The following COL23A1 variants were observed in gnomAD, a reference collection of about 807,000 sequenced individuals.
COL23A1 encodes the protein collagen type XXIII alpha 1 chain.
In COL23A1, 97 loss-of-function variants were observed where a neutral mutation model predicts 99.3. The observed-to-expected ratio is 0.98, with a 90% CI of 0.83 to 1.16. COL23A1 has a LOEUF of 1.16. Ranked by LOEUF, COL23A1 falls within the 50% of genes most tolerant of loss-of-function variation. The pLI is 0.00. For missense variants in COL23A1, 762 were observed against 757.4 expected, an observed-to-expected ratio of 1.01 and a Z score of -0.07; for synonymous variants, 320 against 308.2, an observed-to-expected ratio of 1.04 and a Z score of -0.40.
chr5:178,488,803 T>C (rs1418440256), intron 2 of COL23A1, among the ~76,000 whole-genome samples: 1 of 151,946 alleles, frequency 6.6e-6, no homozygotes, highest in African/African-American at 2.4e-5. Context: ...TCCGTGAGGG[T>C]AGCTAAGGAA....
chr5:178,437,492 G>A (rs1052407498), intron 2 of COL23A1, among the ~76,000 whole-genome samples: 1 of 152,196 alleles, frequency 6.6e-6, no homozygotes, highest in Non-Finnish European at 1.5e-5. Flanking sequence ...ACAGTTGCCA[G>A]TGGATGAGTG....
intron 2 of COL23A1, among the ~76,000 whole-genome samples, chr5:178,358,362 A>G (rs1379412552): frequency 2.8e-5 from 4 of 141,310 alleles, no homozygotes; most frequent in African/African-American, 1.1e-4. Context: ...GTGTATGTGT[A>G]TGTGTACGTG....
chr5:178,557,566 C>T (rs1191874683), intron 2 of COL23A1, among the ~76,000 whole-genome samples: 1 of 152,190 alleles, frequency 6.6e-6, no homozygotes, highest in Non-Finnish European at 1.5e-5. Context: ...GCCGCCCCTC[C>T]TCTGGCCTTC....
At chr5:178,268,604 G>A in intron 7 of COL23A1, 126 bp downstream of exon 7, 1 of 830,944 alleles carries the variant, frequency 1.2e-6, no homozygotes. Context: ...CTCTACAGAT[G>A]GGGAAACTGA....
At chr5:178,258,923 T>C (rs374175953) in intron 12 of COL23A1, among the ~76,000 whole-genome samples, 3 of 149,982 alleles carry the variant, frequency 2.0e-5, no homozygotes, top group East Asian at 1.9e-4. Context: ...CTTTTTTTTT[T>C]TTTTTTTTTG....
rs115415831 is a variant in COL23A1, at chr5:178,392,125, T to C, written c.362-85206A>G. On this transcript the variant is annotated intron_variant, in intron 2 of 28. Coordinates refer to ENST00000390654, the MANE Select transcript of COL23A1 (RefSeq NM_173465.4). ...GTAATAGGAGTGTCTGCTATTTTTTTTTTTTTTTTTTGGTTGATGAATTGT... is the reference window on the plus strand; with the variant it reads ...GTAATAGGAGTGTCTGCTATTTTTTCTTTTTTTTTTTGGTTGATGAATTGT... Among the ~76,000 whole-genome samples the C allele has an allele frequency of 4.8e-3, 723 of 151,766 alleles. 10 individuals carry two copies. The highest frequency in any genetic ancestry group is 0.017 in the African/African-American group (685 of 41,308).
chr5:178,259,684 A>G lies in COL23A1; in HGVS notation c.729+37T>C. 3 of 1,593,788 alleles carry G rather than the reference A, an allele frequency of 1.9e-6. No individual in the cohort carries two copies. In the African/African-American group the frequency reaches 4.0e-5, roughly 21 times the overall value. On this transcript the variant is annotated intron_variant, in intron 12 of 28. Coordinates refer to ENST00000390654, the MANE Select transcript of COL23A1 (RefSeq NM_173465.4). ...TGCCCTTCTCTCCAGCCACTTCCCA[A>G]CACTGACCCGGAAGCTCCTCCATTG...
At chr5:178,510,469 A>T (rs1345550904) in intron 2 of COL23A1, among the ~76,000 whole-genome samples, 1 of 152,176 alleles carries the variant, frequency 6.6e-6, no homozygotes, top group Non-Finnish European at 1.5e-5. Flanking sequence ...CTGAACCAGG[A>T]GGCGGAGGTT....
chr5:178,414,029 G>T (rs976103441), intron 2 of COL23A1, among the ~76,000 whole-genome samples: 3 of 152,180 alleles, frequency 2.0e-5, no homozygotes, highest in African/African-American at 7.2e-5. Context: ...TGCAGCTGGG[G>T]CTAGGACAGC....
intron 2 of COL23A1, among the ~76,000 whole-genome samples, chr5:178,496,164 T>G (rs532126473): frequency 1.3e-5 from 2 of 152,258 alleles, no homozygotes; most frequent in Non-Finnish European, 2.9e-5. Flanking sequence ...ATATGAGGGA[T>G]TAAAATACCG....
At chr5:178,580,701 C>G (rs1178616086) in intron 1 of COL23A1, among the ~76,000 whole-genome samples, 1 of 152,184 alleles carries the variant, frequency 6.6e-6, no homozygotes, top group Non-Finnish European at 1.5e-5. Flanking sequence ...AAGCACGGTG[C>G]CTGGCACCAC....
At chr5:178,264,605 C>T (rs185725732) in intron 8 of COL23A1, among the ~76,000 whole-genome samples, 107 of 152,260 alleles carry the variant, frequency 7.0e-4, no homozygotes, top group African/African-American at 2.2e-3. Context: ...CCTCTTGTAA[C>T]AAAGAAAGGA....
chr5:178,257,132 G>A (rs1765349618), intron 13 of COL23A1, among the ~76,000 whole-genome samples: 3 of 152,198 alleles, frequency 2.0e-5, no homozygotes, highest in Admixed American at 2.0e-4. Context: ...CCACCTTCTG[G>A]TGTGGGCCTT....
intron 2 of COL23A1, among the ~76,000 whole-genome samples, chr5:178,364,334 T>C (rs1209633430): frequency 7.0e-6 from 1 of 143,392 alleles, no homozygotes; most frequent in Non-Finnish European, 1.5e-5. Context: ...TCTGCTTGCC[T>C]CATTTCTAGG....
intron 3 of COL23A1, among the ~76,000 whole-genome samples, chr5:178,296,913 G>A (rs188154319): frequency 2.6e-5 from 4 of 152,200 alleles, no homozygotes; most frequent in Admixed American, 6.5e-5. Context: ...CTCCTAATCC[G>A]ACTCCTCCTC....
intron 1 of COL23A1, among the ~76,000 whole-genome samples, chr5:178,577,746 G>A (rs951966353): frequency 6.6e-6 from 1 of 152,250 alleles, no homozygotes; most frequent in Non-Finnish European, 1.5e-5. Context: ...AGACCAGCGA[G>A]GCGGATTCGG....
rs778020544 is a variant in COL23A1 at position 178,242,345 on chromosome 5, T to C, written c.1490A>G (p.Glu497Gly). 2 of 1,613,694 alleles carry C rather than the reference T, an allele frequency of 1.2e-6. No homozygotes were observed. The highest frequency in any genetic ancestry group is 1.7e-6 in the Non-Finnish European group (2 of 1,179,918). Reference sequence around the variant, plus strand: ...CTCCCGTCCAGCTGCCCTCACCTTCTCTCCACGCTCGCTCCGATCACCTTT... The same window carrying C: ...CTCCCGTCCAGCTGCCCTCACCTTCCCTCCACGCTCGCTCCGATCACCTTT... The part of the protein sequence containing the change: ...GEKGDRSERG[E>G]KGERGVPGRK... Residue 497 changes from glutamate to glycine, a missense_variant, in exon 26 of 29, where the codon GAG (glutamate) becomes GGG (glycine). Transcript: ENST00000390654.
At chr5:178,405,977 A>C (rs573308495) in intron 2 of COL23A1, among the ~76,000 whole-genome samples, 1 of 152,178 alleles carries the variant, frequency 6.6e-6, no homozygotes, top group South Asian at 2.1e-4. Context: ...GTGGCATGCA[A>C]CTGTAGTCCC....
At chr5:178,531,361 G>A (rs1254838697) in intron 2 of COL23A1, among the ~76,000 whole-genome samples, 5 of 152,170 alleles carry the variant, frequency 3.3e-5, no homozygotes, top group African/African-American at 1.2e-4. Context: ...TCTCTTGATG[G>A]CAAATCTAGT....
Sources: allele counts gnomAD v4.1 joint callset (sites outside exome capture counted in the v4.1 genomes callset), GRCh38; gene constraint gnomAD v4.1.1; transcripts MANE v1.5; gene names NCBI Gene and HGNC (gene_info 2026-07-23, HGNC 2026-07-21).